Variants in LAMC3 observed in about 807,000 individuals in gnomAD.
LAMC3 encodes the protein laminin subunit gamma-3.
Under a neutral mutation model 173.8 loss-of-function variants are expected in LAMC3, and 128 were observed. The ratio of observed to expected loss-of-function variants is 0.74; its 90% CI spans 0.64 to 0.85. LAMC3 has a LOEUF of 0.85. Among genes scored for constraint, LAMC3 ranks in the 40% least tolerant of loss-of-function variants. The pLI, the probability that LAMC3 is intolerant of heterozygous loss-of-function variation, is 0.00. For missense variants in LAMC3, 2,022 were observed against 2,156.0 expected (o/e 0.94, Z 1.23); for synonymous variants, 897 against 909.1 (o/e 0.99, Z 0.24).
chr9:131,082,007 G>T, intron 23 of LAMC3, 52 bp from the exon 24 acceptor site: 1 of 1,432,974 alleles, frequency 7.0e-7, no homozygotes, highest in East Asian at 2.3e-5. Context: ...AGCTGCCCCT[G>T]GGCCCTGCTC....
intron 27 of LAMC3, among the ~76,000 whole-genome samples, chr9:131,089,263 A>G (rs575072914): frequency 9.2e-5 from 14 of 152,086 alleles, no homozygotes; most frequent in African/African-American, 2.9e-4. Flanking sequence ...AACATGGCAC[A>G]TGTATACATA....
At chr9:131,022,815 C>T (rs902080188) in intron 1 of LAMC3, among the ~76,000 whole-genome samples, 6 of 151,870 alleles carry the variant, frequency 4.0e-5, no homozygotes, top group Admixed American at 2.6e-4. Flanking sequence ...TGGGCTCAAG[C>T]GATCCTCCAG....
intron 2 of LAMC3, among the ~76,000 whole-genome samples, chr9:131,028,532 C>T (rs1351750331): frequency 2.0e-5 from 3 of 152,286 alleles, no homozygotes; most frequent in South Asian, 2.1e-4. Context: ...CACACGGAGC[C>T]GGCCGTGTCG....
chr9:131,041,533 C>A, intron 6 of LAMC3, 104 bp from the exon 7 acceptor site: 1 of 989,010 alleles, frequency 1.0e-6, no homozygotes, highest in Non-Finnish European at 1.6e-6. Context: ...GCGTCAGCCT[C>A]ACTCCTGATG....
At chr9:131,030,178 GATCT>G (rs1463471166) in intron 2 of LAMC3, among the ~76,000 whole-genome samples, 4 of 152,100 alleles carry the variant, frequency 2.6e-5, no homozygotes, top group African/African-American at 9.7e-5. Context: ...GGTCTCAAGG[GATCT>G]GCCCGCCTTG....
At chr9:131,087,432 G>T (rs1247328205) in intron 25 of LAMC3, 44 bp from the exon 26 acceptor site, 1 of 1,612,458 alleles carries the variant, frequency 6.2e-7, no homozygotes, top group Non-Finnish European at 8.5e-7. Context: ...AAAAGGACTT[G>T]CTGCACTCAC....
chr9:131,026,379 A>T lies in LAMC3; in HGVS notation c.468A>T (p.Pro156=), dbSNP rs199529795. The part of the protein sequence containing the change: ...AIYKRSRADG[P]WEPYQFYSAS... Reference sequence around the variant, plus strand: ...ACAAGCGCAGCCGCGCCGACGGCCCATGGGAGCCCTACCAGTTCTACAGCG... The same window carrying T: ...ACAAGCGCAGCCGCGCCGACGGCCCTTGGGAGCCCTACCAGTTCTACAGCG... Residue 156 remains proline, a synonymous_variant, in exon 2 of 28, where the codon CCA becomes CCT. Coordinates refer to ENST00000361069, the MANE Select transcript of LAMC3 (RefSeq NM_006059.4). This position sits in a 1 kb window ranked among gnomAD's most constrained non-coding sequence, Gnocchi z 4.8. The T allele has an allele frequency of 6.2e-7, 1 of 1,614,110 alleles. No homozygotes were observed. The highest frequency in any genetic ancestry group is 1.1e-5 in the South Asian group (1 of 91,086).
intron 12 of LAMC3, among the ~76,000 whole-genome samples, chr9:131,060,409 T>C (rs1829783261): frequency 6.6e-6 from 1 of 152,150 alleles, no homozygotes; most frequent in Non-Finnish European, 1.5e-5. Context: ...TTTGGAAGGC[T>C]GAGGCGGGCA....
Position 131,026,303 on chromosome 9 carries a change from C to G in LAMC3, c.392C>G (p.Thr131Arg), listed in dbSNP as rs750461310. 6.2e-7 allele frequency: 1 copy of G among 1,614,062 alleles called. No individual in the cohort carries two copies. Among genetic ancestry groups the G allele is most frequent in the Admixed American group, 1.7e-5 (1 of 60,034 alleles). Residue 131 changes from threonine (T) to arginine (R), a missense_variant, in exon 2 of 28, where the codon ACG becomes AGG. Coordinates refer to ENST00000361069, the MANE Select transcript of LAMC3 (RefSeq NM_006059.4). This position sits in a 1 kb window ranked among gnomAD's most constrained non-coding sequence, Gnocchi z 4.8. Reference protein sequence around the residue: ...TLRLGKAYEITYVRLKFHTSR... With the variant: ...TLRLGKAYEIRYVRLKFHTSR... ...GCTGCAGGGAAGGCTTATGAGATCA[C>G]GTATGTGAGGCTGAAGTTCCACACC...
intron 13 of LAMC3, 70 bp from the exon 14 acceptor site, chr9:131,066,890 T>A: frequency 6.3e-7 from 1 of 1,592,340 alleles, no homozygotes; most frequent in Non-Finnish European, 8.6e-7. Flanking sequence ...CTTGCTCTGC[T>A]TCACACCCAC....
chr9:131,064,972 T>C (rs944882582), intron 13 of LAMC3, among the ~76,000 whole-genome samples: 1 of 125,198 alleles, frequency 8.0e-6, no homozygotes, highest in African/African-American at 3.1e-5. Context: ...ACCCAGTAGG[T>C]GGGGCTTGCG....
At position 131,009,728 on chromosome 9, in the gene LAMC3, G is replaced by A; in HGVS notation, c.373+141G>A. 1 of 1,060,404 alleles carries A rather than the reference G, an allele frequency of 9.4e-7. No homozygotes were observed. Among genetic ancestry groups the A allele is most frequent in the Non-Finnish European group, 1.3e-6 (1 of 742,174 alleles). The allele number at this position is 1,060,404 out of a possible 1,614,324, so 65.7% of individuals were successfully genotyped here. Reference sequence around the variant, plus strand: ...TGTTGGATGGAGGGGCTCAGAAATAGGAATTAGGCTGGGTGCGGTGGCTCA... The same window carrying A: ...TGTTGGATGGAGGGGCTCAGAAATAAGAATTAGGCTGGGTGCGGTGGCTCA... On this transcript the variant is annotated intron_variant, in intron 1 of 27. Transcript: ENST00000361069. This position sits in a 1 kb window ranked among gnomAD's most constrained non-coding sequence, Gnocchi z 4.3.
At chr9:131,014,997 G>T (rs897047140) in intron 1 of LAMC3, among the ~76,000 whole-genome samples, 1 of 152,112 alleles carries the variant, frequency 6.6e-6, no homozygotes, top group African/African-American at 2.4e-5. Context: ...AAATGTAGTT[G>T]AACAAATGCT....
chr9:131,061,547 C>A (rs1829824515), intron 13 of LAMC3, among the ~76,000 whole-genome samples: 1 of 152,094 alleles, frequency 6.6e-6, no homozygotes, highest in Admixed American at 6.5e-5. Context: ...TGTTACACAG[C>A]TAAGGTGGAA....
At chr9:131,028,245 C>T (rs998566076) in intron 2 of LAMC3, among the ~76,000 whole-genome samples, 20 of 152,220 alleles carry the variant, frequency 1.3e-4, no homozygotes, top group African/African-American at 4.8e-4. Context: ...TCATCCCAAA[C>T]CACCGCCTAC....
rs1354709530 is a variant in LAMC3 at position 131,076,918 on chromosome 9, T to A, written c.3630-269T>A. 3.9e-5 allele frequency among the ~76,000 whole-genome samples: 6 copies of A among 152,178 alleles called. 1 individual carries two copies. The highest frequency in any genetic ancestry group is 6.8e-3 in the Middle Eastern group (2 of 294). ...CATTTGCAAACATGTGATTCTTGAGTGGAAACCAAGCAGAGCCCTTTCAGC... is the reference window on the plus strand; with the variant it reads ...CATTTGCAAACATGTGATTCTTGAGAGGAAACCAAGCAGAGCCCTTTCAGC... On this transcript the variant is annotated intron_variant, in intron 21 of 27. Transcript: ENST00000361069.
At chr9:131,052,779 AC>A (rs1224140161) in intron 10 of LAMC3, 70 bp from the exon 11 acceptor site, 17 of 1,261,842 alleles carry the variant, frequency 1.3e-5, no homozygotes, top group African/African-American at 5.9e-5. Context: ...CTGGGGGGCT[AC>A]CCCCCATCCC....
At position 131,075,865 on chromosome 9, in the gene LAMC3, G is replaced by A; in HGVS notation, c.3529G>A (p.Ala1177Thr). 1.9e-6 allele frequency: 3 copies of A among 1,612,138 alleles called. No individual in the cohort carries two copies. Among genetic ancestry groups the A allele is most frequent in the Non-Finnish European group, 2.5e-6 (3 of 1,179,026 alleles). The change falls in exon 21 of 28, where the codon GCT becomes ACT. Residue 1177 changes from alanine (A) to threonine (T), a missense_variant. Physicochemically the swap from Ala to Thr is moderately conservative, Grantham distance 58. Transcript: ENST00000361069. ...CACCGCCACCAAGATCGCAGCCACT[G>A]CTTGGAGGGCCCTGCTCGCCTCCAA... Reference protein sequence around the residue: ...RDTATKIAATAWRALLASNTS... With the variant: ...RDTATKIAATTWRALLASNTS...
chr9:131,064,935 C>T (rs369025529), intron 13 of LAMC3, among the ~76,000 whole-genome samples: 6 of 148,614 alleles, frequency 4.0e-5, no homozygotes, highest in South Asian at 4.3e-4. Flanking sequence ...CAGATACTCG[C>T]GAGGCTGAAA....
Sources: gnomAD v4.1 joint callset for allele counts (sites outside exome capture counted in the v4.1 genomes callset) on GRCh38, gnomAD v4.1.1 for gene constraint, Gnocchi (gnomAD v3.1) non-coding constraint, MANE v1.5 for transcripts, NCBI Gene and HGNC (gene_info 2026-07-23, HGNC 2026-07-21) for gene names.